The following NRXN3 variants were observed in gnomAD, a reference collection of about 807,000 sequenced individuals.
NRXN3 encodes neurexin III.
NRXN3 carries 32 observed loss-of-function variants against 137.6 expected under a neutral mutation model. The ratio of observed to expected loss-of-function variants is 0.23; its 90% CI spans 0.18 to 0.31. The LOEUF (loss-of-function observed/expected upper bound fraction) is 0.31, where lower values mean the gene tolerates loss of function less well. Among genes scored for constraint, NRXN3 ranks in the 10% least tolerant of loss-of-function variants. The pLI is 1.00. For synonymous variants in NRXN3, 798 were observed against 784.5 expected (o/e 1.02, Z -0.29); for missense variants, 1,574 against 2,062.5 (o/e 0.76, Z 4.59).
At chr14:78,473,294 C>T (rs958094750) in intron 4 of NRXN3, among the ~76,000 whole-genome samples, 7 of 150,980 alleles carry the variant, frequency 4.6e-5, no homozygotes, top group Non-Finnish European at 8.8e-5. Flanking sequence ...CCCAGCTACT[C>T]GGGAGGCTGA....
intron 15 of NRXN3, among the ~76,000 whole-genome samples, chr14:79,176,937 G>A (rs2062405276): frequency 6.6e-6 from 1 of 152,174 alleles, no homozygotes; most frequent in South Asian, 2.1e-4. Context: ...ATTGTTGGAT[G>A]GATAGATGGA....
chr14:79,532,918 T>C lies in NRXN3; in HGVS notation c.3444+65516T>C, dbSNP rs200500209. Among the ~76,000 whole-genome samples the C allele has an allele frequency of 2.6e-5, 4 of 152,184 alleles. No individual in the cohort carries two copies. In the East Asian group the frequency reaches 7.7e-4, roughly 29 times the overall value. On this transcript the variant is annotated intron_variant, in intron 16 of 20. Transcript: ENST00000335750. ...TTTGTTGGCATAGGAGAAGATTTCC[T>C]AGCAACCCTCAAAATCTTTCCAATT...
chr14:78,179,821 TTTG>T (rs202174368), intron 1 of NRXN3, among the ~76,000 whole-genome samples: 955 of 55,586 alleles, frequency 0.017, 15 homozygotes, highest in African/African-American at 0.044. Flanking sequence ...TTTTTTTTTT[TTTG>T]TTTGTTTCTG....
chr14:78,220,354 G>A (rs111770354), intron 1 of NRXN3, among the ~76,000 whole-genome samples: 83 of 152,160 alleles, frequency 5.5e-4, no homozygotes, highest in African/African-American at 1.9e-3. Flanking sequence ...AGAGAGGGAG[G>A]AGGGGAGGCA....
At chr14:78,253,378 A>G (rs563333716) in intron 2 of NRXN3, among the ~76,000 whole-genome samples, 1 of 152,334 alleles carries the variant, frequency 6.6e-6, no homozygotes, top group East Asian at 1.9e-4. Context: ...GGTACATTAT[A>G]AAGTATCATG....
At chr14:78,338,450 G>A (rs2081749095) in intron 4 of NRXN3, among the ~76,000 whole-genome samples, 1 of 152,118 alleles carries the variant, frequency 6.6e-6, no homozygotes, top group Admixed American at 6.6e-5. Context: ...GCTGGTGGGG[G>A]AATGGGGACT....
chr14:78,478,731 G>A (rs2095422153), intron 4 of NRXN3, among the ~76,000 whole-genome samples: 1 of 152,144 alleles, frequency 6.6e-6, no homozygotes, highest in Non-Finnish European at 1.5e-5. Context: ...AAATAATCAT[G>A]GGGTTGAGGG....
At chr14:79,710,378 G>GTGT in intron 19 of NRXN3, among the ~76,000 whole-genome samples, 1 of 152,280 alleles carries the variant, frequency 6.6e-6, no homozygotes. Context: ...ATCTATTTAT[G>GTGT]TGTTGTATAA....
chr14:79,611,888 A>G (rs1460435332), intron 16 of NRXN3: 2 of 152,238 alleles, frequency 1.3e-5, no homozygotes, highest in Non-Finnish European at 2.9e-5. Flanking sequence ...CATGCATAGC[A>G]TAATACTTGG....
At chr14:79,101,013 G>GT (rs1344208030) in intron 15 of NRXN3, among the ~76,000 whole-genome samples, 3 of 152,074 alleles carry the variant, frequency 2.0e-5, no homozygotes, top group Admixed American at 6.6e-5. Flanking sequence ...TCTTTACTTT[G>GT]TTTTTTTCCT....
Position 78,968,310 on chromosome 14 carries a change from C to T in NRXN3, c.3106C>T (p.Leu1036Phe). ...GRLPDLINDALHRSGQIERGC... is the reference protein window; with the variant it reads ...GRLPDLINDAFHRSGQIERGC... ...CCTGCCAGACCTCATCAATGATGCT[C>T]TTCATCGGAGCGGACAGATCGAGCG... Residue 1036 changes from leucine to phenylalanine, a missense_variant, in exon 14 of 21, where the codon CTT becomes TTT. Transcript: ENST00000335750. The T allele has an allele frequency of 1.2e-6, 2 of 1,614,106 alleles. No homozygotes were observed. The highest frequency in any genetic ancestry group is 1.7e-6 in the Non-Finnish European group (2 of 1,179,990).
chr14:78,632,283 C>G (rs2097529610), intron 4 of NRXN3, among the ~76,000 whole-genome samples: 1 of 152,142 alleles, frequency 6.6e-6, no homozygotes, highest in East Asian at 1.9e-4. Flanking sequence ...TAAGTTTTTG[C>G]TGAAAATCTA....
intron 15 of NRXN3, among the ~76,000 whole-genome samples, chr14:78,992,614 A>G (rs2153082374): frequency 6.6e-6 from 1 of 152,312 alleles, no homozygotes; most frequent in East Asian, 1.9e-4. Context: ...TCCTTCAAAC[A>G]TCGAAAAATG....
At chr14:79,791,466 A>G (rs1400971863) in intron 19 of NRXN3, among the ~76,000 whole-genome samples, 1 of 144,252 alleles carries the variant, frequency 6.9e-6, no homozygotes, top group East Asian at 2.0e-4. Flanking sequence ...AATTATAATA[A>G]TAATTATATA....
chr14:78,243,689 A>C lies in NRXN3; in HGVS notation c.596A>C (p.Glu199Ala). ...LGSRGVQMDA[E>A]GPCGERPCEN... ...AGCCGGGGTGTCCAGATGGATGCCG[A>C]GGGACCCTGTGGTGAGCGTCCCTGT... Residue 199 changes from glutamate to alanine, a missense_variant, in exon 2 of 21, where the codon GAG becomes GCG. Around this residue, in one of 5 missense-constraint regions of NRXN3, gnomAD observed 400 missense variants for 527.3 expected, o/e 0.76. Coordinates refer to ENST00000335750, the MANE Select transcript of NRXN3 (RefSeq NM_001330195.2). This position sits in a 1 kb window ranked among gnomAD's most constrained non-coding sequence, Gnocchi z 4.2. The C allele has an allele frequency of 6.3e-7, 1 of 1,598,356 alleles. No individual in the cohort carries two copies. Among genetic ancestry groups the C allele is most frequent in the Non-Finnish European group, 8.5e-7 (1 of 1,179,794 alleles).
At chr14:78,647,761 C>T (rs2097701452) in intron 5 of NRXN3, among the ~76,000 whole-genome samples, 1 of 152,100 alleles carries the variant, frequency 6.6e-6, no homozygotes, top group Admixed American at 6.5e-5. Context: ...TTTGCAAATG[C>T]AATTATTTTA....
At chr14:79,427,600 G>T (rs918694049) in intron 15 of NRXN3, among the ~76,000 whole-genome samples, 1 of 152,120 alleles carries the variant, frequency 6.6e-6, no homozygotes, top group East Asian at 1.9e-4. Context: ...CTCACTTCAG[G>T]TCGGGTCACT....
chr14:79,173,964 G>C (rs1217660838), intron 15 of NRXN3, among the ~76,000 whole-genome samples: 1 of 152,190 alleles, frequency 6.6e-6, no homozygotes, highest in East Asian at 1.9e-4. Context: ...GTCTCTTCTA[G>C]TAAATTATGG....
At chr14:78,642,833 G>A (rs1446116494) in intron 4 of NRXN3, among the ~76,000 whole-genome samples, 19 of 152,210 alleles carry the variant, frequency 1.2e-4, no homozygotes, top group Admixed American at 1.2e-3. Context: ...CGCAGACAGT[G>A]TTGAATTTCT....
Sources: gnomAD v4.1 joint callset for allele counts (sites outside exome capture counted in the v4.1 genomes callset) on GRCh38, gnomAD v4.1.1 for gene constraint, gnomAD v4.1.1 regional missense constraint, Gnocchi (gnomAD v3.1) non-coding constraint, MANE v1.5 for transcripts, NCBI Gene and HGNC (gene_info 2026-07-23, HGNC 2026-07-21) for gene names.